The following MRPS28 variants were observed in gnomAD, a reference collection of about 807,000 sequenced individuals.
The protein encoded by MRPS28 is small ribosomal subunit protein bS1m.
Under a neutral mutation model 10.8 loss-of-function variants are expected in MRPS28, and 7 were observed. That is an observed-to-expected ratio of 0.65 (90% CI 0.37 to 1.22). MRPS28 has a LOEUF of 1.22. Ranked by LOEUF, MRPS28 falls within the 50% of genes most tolerant of loss-of-function variation. MRPS28 has a pLI of 0.02. For missense variants in MRPS28, 265 were observed against 232.9 expected, an observed-to-expected ratio of 1.14 and a Z score of -0.90; for synonymous variants, 121 against 93.3, an observed-to-expected ratio of 1.30 and a Z score of -1.71.
chr8:79,973,850 A>G (rs146627949), intron 2 of MRPS28, among the ~76,000 whole-genome samples: 2,625 of 151,746 alleles, frequency 0.017, 76 homozygotes, highest in African/African-American at 0.058. Context: ...AAAAAAAAAA[A>G]AAAGAAAGAA....
At chr8:79,938,049 AT>A in intron 2 of MRPS28, among the ~76,000 whole-genome samples, 1 of 152,336 alleles carries the variant, frequency 6.6e-6, no homozygotes, top group South Asian at 2.1e-4. Flanking sequence ...GTCTACAACC[AT>A]TGTTCATAAA....
At chr8:79,982,768 G>C (rs1422727225) in intron 2 of MRPS28, among the ~76,000 whole-genome samples, 1 of 152,218 alleles carries the variant, frequency 6.6e-6, no homozygotes, top group African/African-American at 2.4e-5. Flanking sequence ...CGGGAAGCTC[G>C]AACTGGGTGG....
chr8:80,013,634 C>CAAAAAAAAAAAAAAAAAAA (rs5892700), intron 1 of MRPS28, among the ~76,000 whole-genome samples: 1 of 75,626 alleles, frequency 1.3e-5, no homozygotes, highest in Non-Finnish European at 2.5e-5. Flanking sequence ...GACTCCATCT[C>CAAAAAAAAAAAAAAAAAAA]AAAAAAAAAA....
intron 2 of MRPS28, among the ~76,000 whole-genome samples, chr8:79,994,739 A>C (rs986974549): frequency 3.3e-5 from 5 of 152,144 alleles, no homozygotes; most frequent in African/African-American, 4.8e-5. Flanking sequence ...ACAATATTTT[A>C]ATGATTCTTT....
At chr8:80,023,642 A>G (rs1431661050) in intron 1 of MRPS28, among the ~76,000 whole-genome samples, 1 of 152,250 alleles carries the variant, frequency 6.6e-6, no homozygotes, top group East Asian at 1.9e-4. Flanking sequence ...TTTTAAATAA[A>G]TTTAAAATTT....
At chr8:79,953,864 A>G (rs1807139240) in intron 2 of MRPS28, among the ~76,000 whole-genome samples, 1 of 152,228 alleles carries the variant, frequency 6.6e-6, no homozygotes, top group Non-Finnish European at 1.5e-5. Flanking sequence ...AATCCTACAG[A>G]AAAATGGGCA....
chr8:80,019,940 T>A (rs1221176899), intron 1 of MRPS28, among the ~76,000 whole-genome samples: 1 of 152,212 alleles, frequency 6.6e-6, no homozygotes, highest in African/African-American at 2.4e-5. Context: ...AAGGAGGTCC[T>A]GAGACACGTG....
At chr8:79,972,117 A>G (rs1273371446) in intron 2 of MRPS28, among the ~76,000 whole-genome samples, 1 of 152,210 alleles carries the variant, frequency 6.6e-6, no homozygotes, top group Non-Finnish European at 1.5e-5. Flanking sequence ...AGTCAACCAC[A>G]AATAGAAAAT....
intron 2 of MRPS28, among the ~76,000 whole-genome samples, chr8:79,977,337 T>C (rs1807828890): frequency 6.6e-6 from 1 of 152,100 alleles, no homozygotes; most frequent in Non-Finnish European, 1.5e-5. Context: ...CAAAAAATAA[T>C]AATAACAGAA....
intron 2 of MRPS28, among the ~76,000 whole-genome samples, chr8:79,941,723 A>G (rs548123414): frequency 6.6e-6 from 1 of 152,350 alleles, no homozygotes; most frequent in South Asian, 2.1e-4. Context: ...TAAATGCTGA[A>G]AAGTTTAATT....
chr8:79,930,116 T>C (rs942526317), intron 2 of MRPS28, among the ~76,000 whole-genome samples: 1 of 152,230 alleles, frequency 6.6e-6, no homozygotes, highest in Non-Finnish European at 1.5e-5. Context: ...CCATTATGCA[T>C]AATTAGCTTC....
At chr8:80,016,678 G>A (rs569215663) in intron 1 of MRPS28, among the ~76,000 whole-genome samples, 1 of 152,284 alleles carries the variant, frequency 6.6e-6, no homozygotes, top group African/African-American at 2.4e-5. Context: ...TTTTTAATTA[G>A]TAATTGATCT....
chr8:79,949,413 CAAAA>C (rs58390672), intron 2 of MRPS28, among the ~76,000 whole-genome samples: 1 of 96,950 alleles, frequency 1.0e-5, no homozygotes, highest in Non-Finnish European at 2.2e-5. Flanking sequence ...GACTCCGTCT[CAAAA>C]AAAAAAAAAA....
At chr8:79,982,879 A>C (rs1048698729) in intron 2 of MRPS28, among the ~76,000 whole-genome samples, 1 of 151,652 alleles carries the variant, frequency 6.6e-6, no homozygotes, top group Non-Finnish European at 1.5e-5. Flanking sequence ...CTGCAGACTT[A>C]AATGTCCCTG....
chr8:80,016,867 T>C (rs1379708996), intron 1 of MRPS28, among the ~76,000 whole-genome samples: 1 of 152,110 alleles, frequency 6.6e-6, no homozygotes, highest in Non-Finnish European at 1.5e-5. Context: ...GACTTTAATG[T>C]CCCTCTATCA....
chr8:79,942,150 A>G (rs1251734701), intron 2 of MRPS28, among the ~76,000 whole-genome samples: 7 of 152,148 alleles, frequency 4.6e-5, no homozygotes, highest in African/African-American at 4.8e-5. Context: ...CAGGGTAAAA[A>G]AAGAACACTT....
chr8:80,001,211 T>C (rs547096032), intron 2 of MRPS28, among the ~76,000 whole-genome samples: 2 of 152,322 alleles, frequency 1.3e-5, no homozygotes, highest in African/African-American at 4.8e-5. Flanking sequence ...ACAGCATCCA[T>C]GGTAGATGAT....
chr8:79,958,125 C>G, intron 2 of MRPS28: 1 of 352,016 alleles, frequency 2.8e-6, no homozygotes, highest in Non-Finnish European at 5.1e-6. Flanking sequence ...ATTTTCATCA[C>G]CCCAAAAAAG....
intron 2 of MRPS28, among the ~76,000 whole-genome samples, chr8:79,921,825 A>T (rs1299806381): frequency 2.0e-5 from 3 of 152,000 alleles, no homozygotes; most frequent in Non-Finnish European, 1.5e-5. Flanking sequence ...CTATGTTGAA[A>T]AGGAGTGGTG....
Sources: gnomAD v4.1 joint callset for allele counts (sites outside exome capture counted in the v4.1 genomes callset) on GRCh38, gnomAD v4.1.1 for gene constraint, MANE v1.5 for transcripts, NCBI Gene and HGNC (gene_info 2026-07-23, HGNC 2026-07-21) for gene names.